Variants in URI1 observed in about 807,000 individuals in gnomAD.
The protein encoded by URI1 is URI1 prefoldin like chaperone.
URI1 carries 39 observed loss-of-function variants against 60.2 expected under a neutral mutation model. The observed-to-expected ratio is 0.65, with a 90% confidence interval of 0.50 to 0.85. URI1 has a LOEUF of 0.85. URI1 is among the 40% of genes least tolerant of loss of function. The probability of loss-of-function intolerance (pLI) is 0.00; values close to 1 mark genes in which losing one functional copy is unlikely to be tolerated. For synonymous variants in URI1, 251 were observed against 236.8 expected (o/e 1.06, Z -0.55); for missense variants, 691 against 665.9 (o/e 1.04, Z -0.42).
chr19:29,931,662 G>A (rs1350268987), intron 1 of URI1, among the ~76,000 whole-genome samples: 1 of 152,044 alleles, frequency 6.6e-6, no homozygotes. Context: ...ATGTTCTTCT[G>A]TATATTTCTG....
chr19:29,945,877 A>G (rs1002166392), intron 1 of URI1, among the ~76,000 whole-genome samples: 1 of 152,022 alleles, frequency 6.6e-6, no homozygotes, highest in Non-Finnish European at 1.5e-5. Flanking sequence ...TTTTTTCCAA[A>G]AAAAGCTATT....
chr19:30,000,472 A>G (rs1360946154), intron 4 of URI1, among the ~76,000 whole-genome samples: 1 of 151,830 alleles, frequency 6.6e-6, no homozygotes, highest in Non-Finnish European at 1.5e-5. Flanking sequence ...ACTTCTTTGA[A>G]TTTTTATGTA....
At chr19:29,928,362 A>G (rs2054888512) in intron 1 of URI1, among the ~76,000 whole-genome samples, 1 of 152,148 alleles carries the variant, frequency 6.6e-6, no homozygotes, top group South Asian at 2.1e-4. Context: ...AAGGCTGAGA[A>G]GGAGTGCAGG....
intron 4 of URI1, among the ~76,000 whole-genome samples, chr19:29,999,317 C>T (rs779715102): frequency 5.3e-5 from 8 of 152,072 alleles, no homozygotes; most frequent in Non-Finnish European, 7.4e-5. Context: ...CATTTCTACC[C>T]GAAGAACTTC....
chr19:29,988,167 C>A (rs199660324), intron 4 of URI1, among the ~76,000 whole-genome samples: 194 of 140,380 alleles, frequency 1.4e-3, no homozygotes, highest in Non-Finnish European at 1.5e-3. Flanking sequence ...AATTTTGTCT[C>A]AAAAAAAAAA....
intron 1 of URI1, among the ~76,000 whole-genome samples, chr19:29,961,673 TTGTTTTTTTTTTTTTTTG>T (rs1034817640): frequency 5.1e-5 from 3 of 59,066 alleles, no homozygotes; most frequent in African/African-American, 1.6e-4. Context: ...TCTTTTTTTT[TTGTTTTTTTTTTTTTTTG>T]TTGTTTGTTT....
chr19:29,961,667 T>C (rs2055325806), intron 1 of URI1, among the ~76,000 whole-genome samples: 1 of 56,340 alleles, frequency 1.8e-5, no homozygotes, highest in Admixed American at 2.8e-4. Flanking sequence ...TTTGATTCTT[T>C]TTTTTTTGTT....
Position 30,015,677 on chromosome 19 carries a change from A to G in URI1, c.*608A>G. 1 of 1,265,824 alleles carries G rather than the reference A, an allele frequency of 7.9e-7. No individual in the cohort carries two copies. The allele number at this position is 1,265,824 out of a possible 1,614,324, so 78.4% of individuals were successfully genotyped here. A position where few individuals can be genotyped will look rare whatever the true frequency, so the allele number is the denominator to read the frequency against. On this transcript the variant is annotated 3_prime_UTR_variant, in exon 11 of 11. Coordinates refer to ENST00000392271, the MANE Select transcript of URI1 (RefSeq NM_003796.3). ...GATATTTTGTAAAACTTTTTTTTCCAAGTAAAAACTTTATGAAACTTGGTC... is the reference window on the plus strand; with the variant it reads ...GATATTTTGTAAAACTTTTTTTTCCGAGTAAAAACTTTATGAAACTTGGTC...
At chr19:29,965,321 C>T (rs185936660) in intron 1 of URI1, among the ~76,000 whole-genome samples, 8 of 152,130 alleles carry the variant, frequency 5.3e-5, no homozygotes, top group Admixed American at 2.6e-4. Flanking sequence ...AGGGTTTCTA[C>T]GAGGAAGGCA....
intron 4 of URI1, among the ~76,000 whole-genome samples, chr19:29,994,920 A>G (rs1223173709): frequency 6.6e-6 from 1 of 151,940 alleles, no homozygotes; most frequent in East Asian, 1.9e-4. Flanking sequence ...AGCTGGGACT[A>G]CAGGTGTGCA....
chr19:30,016,427 C>G lies in URI1; in HGVS notation c.*1358C>G, dbSNP rs182695668. Reference sequence around the variant, plus strand: ...AAATCTTTCAGTCCATGCCCCAACCCTCACCAAAACCAAAGCAGAAATTAC... The same window carrying G: ...AAATCTTTCAGTCCATGCCCCAACCGTCACCAAAACCAAAGCAGAAATTAC... On this transcript the variant is annotated 3_prime_UTR_variant, in exon 11 of 11. Transcript: ENST00000392271. 6.6e-6 allele frequency: 1 copy of G among 152,116 alleles called. No homozygotes were observed. The highest frequency in any genetic ancestry group is 2.4e-5 in the African/African-American group (1 of 41,452). The allele number at this position is 152,116 out of a possible 1,614,324, so 9.4% of individuals were successfully genotyped here.
chr19:29,975,980 G>T (rs1468752659), intron 2 of URI1, among the ~76,000 whole-genome samples: 1 of 152,078 alleles, frequency 6.6e-6, no homozygotes, highest in East Asian at 1.9e-4. Context: ...AAATCAGATT[G>T]TACCTGTTCA....
At chr19:29,981,746 A>C (rs1970389192) in intron 2 of URI1, among the ~76,000 whole-genome samples, 1 of 152,110 alleles carries the variant, frequency 6.6e-6, no homozygotes, top group African/African-American at 2.4e-5. Flanking sequence ...TAGGCTGGAG[A>C]GGTGTTTCTT....
intron 1 of URI1, among the ~76,000 whole-genome samples, chr19:29,959,198 C>T (rs758884728): frequency 3.3e-5 from 5 of 152,130 alleles, no homozygotes; most frequent in Non-Finnish European, 5.9e-5. Context: ...AATCCTGGCT[C>T]ATTGCATCCT....
intron 1 of URI1, among the ~76,000 whole-genome samples, chr19:29,944,185 A>ATATATATATATATATATG (rs1555736104): frequency 6.0e-5 from 6 of 100,714 alleles, no homozygotes; most frequent in Non-Finnish European, 1.2e-4. Flanking sequence ...ATATATATAT[A>ATATATATATATATATATG]TATATATAAA....
chr19:29,948,858 C>A (rs571930654), intron 1 of URI1, among the ~76,000 whole-genome samples: 22 of 152,336 alleles, frequency 1.4e-4, no homozygotes, highest in African/African-American at 5.0e-4. Flanking sequence ...GTTGGGTACA[C>A]CTGCCACACG....
At position 29,942,240 on chromosome 19, in the gene URI1, T is replaced by C. The variant is rs1212925129; in HGVS notation, c.-308T>C. 5 of 983,080 alleles carry C rather than the reference T, an allele frequency of 5.1e-6. No individual in the cohort carries two copies. The highest frequency in any genetic ancestry group is 4.7e-5 in the South Asian group (1 of 21,416). The allele number at this position is 983,080 out of a possible 1,614,324, so 60.9% of individuals were successfully genotyped here. On this transcript the variant is annotated 5_prime_UTR_variant, in exon 1 of 11. Transcript: ENST00000392271. ...CCGGCGTGCCGCGAGAGGCGGGGCG[T>C]GTGGGGAGGCGCGGCCGCCACGCGA...
At chr19:29,971,026 C>T in intron 1 of URI1, 167 bp from the exon 2 acceptor site, 2 of 635,086 alleles carry the variant, frequency 3.1e-6, no homozygotes, top group Non-Finnish European at 5.6e-6. Flanking sequence ...ATAAAGTGTG[C>T]TGCTTAAAAA....
chr19:30,010,537 T>C (rs1204227236), intron 8 of URI1, among the ~76,000 whole-genome samples: 1 of 152,190 alleles, frequency 6.6e-6, no homozygotes, highest in Non-Finnish European at 1.5e-5. Context: ...ATAGTGGTCA[T>C]TATTGTGGAA....
Sources: allele counts gnomAD v4.1 joint callset (sites outside exome capture counted in the v4.1 genomes callset), GRCh38; gene constraint gnomAD v4.1.1; transcripts MANE v1.5; gene names NCBI Gene and HGNC (gene_info 2026-07-23, HGNC 2026-07-21).